ABL1: variants seen among roughly 807,000 people sequenced by gnomAD.
ABL1 encodes tyrosine-protein kinase ABL1.
Under a neutral mutation model 94.7 loss-of-function variants are expected in ABL1, and 11 were observed. The ratio of observed to expected loss-of-function variants is 0.12; its 90% CI spans 0.07 to 0.19. ABL1 has a LOEUF of 0.19. Ranked by LOEUF, ABL1 falls within the 10% of genes least tolerant of loss-of-function variation. The pLI is 1.00. For missense variants in ABL1, 1,082 were observed against 1,489.4 expected, an observed-to-expected ratio of 0.73 and a Z score of 4.50; for synonymous variants, 656 against 622.4, an observed-to-expected ratio of 1.05 and a Z score of -0.80.
intron 7 of ABL1, among the ~76,000 whole-genome samples, chr9:130,876,577 C>T (rs1446064454): frequency 2.0e-5 from 3 of 150,638 alleles, no homozygotes; most frequent in African/African-American, 7.4e-5. Flanking sequence ...GCCACCACGC[C>T]TGGCTAAATT....
chr9:130,792,689 T>A (rs1829925133), intron 1 of ABL1, among the ~76,000 whole-genome samples: 1 of 152,176 alleles, frequency 6.6e-6, no homozygotes, highest in African/African-American at 2.4e-5. Context: ...TCACCACACT[T>A]GGCAAATTTG....
intron 1 of ABL1, among the ~76,000 whole-genome samples, chr9:130,843,631 G>A (rs920248456): frequency 1.3e-5 from 2 of 152,096 alleles, no homozygotes; most frequent in Non-Finnish European, 2.9e-5. Context: ...TGGGTTAAAG[G>A]AGAAGCATCC....
intron 1 of ABL1, among the ~76,000 whole-genome samples, chr9:130,760,943 CTTTTTTTTTTTT>C (rs35842480): frequency 1.2e-5 from 1 of 85,262 alleles, no homozygotes; most frequent in Non-Finnish European, 2.0e-5. Context: ...CCCGCCCCTG[CTTTTTTTTTTTT>C]TTTTTTTTTT....
chr9:130,884,376 A>T lies in ABL1; in HGVS notation c.2086A>T (p.Ser696Cys). The change falls in exon 11 of 11, where the codon AGC (serine) becomes TGC (cysteine). Residue 696 changes from serine (S) to cysteine (C), a missense_variant. By Grantham distance (112) the Ser-to-Cys change is moderately radical. Transcript: ENST00000318560. This position sits in a 1 kb window ranked among gnomAD's most constrained non-coding sequence, Gnocchi z 5.6. ...LWKKSSTLTS[S>C]RLATGEEEGG... ...GAAGAAGTCCAGCACGCTGACCAGC[A>T]GCCGCCTAGCCACCGGCGAGGAGGA... The T allele has an allele frequency of 6.2e-7, 1 of 1,611,958 alleles. No homozygotes were observed. Among genetic ancestry groups the T allele is most frequent in the Non-Finnish European group, 8.5e-7 (1 of 1,179,802 alleles).
At chr9:130,792,994 C>T (rs531586887) in intron 1 of ABL1, among the ~76,000 whole-genome samples, 6 of 152,322 alleles carry the variant, frequency 3.9e-5, no homozygotes, top group African/African-American at 1.2e-4. Flanking sequence ...GGCACGATCT[C>T]GGCTCACTGC....
chr9:130,809,417 A>AGAGAGAGAGAGAGAGT (rs1389499231), intron 1 of ABL1, among the ~76,000 whole-genome samples: 3 of 84,306 alleles, frequency 3.6e-5, no homozygotes, highest in African/African-American at 3.6e-5. Context: ...AGAGAGAGAG[A>AGAGAGAGAGAGAGAGT]GTGTGTGTGT....
chr9:130,824,343 A>G (rs1830399704), intron 1 of ABL1, among the ~76,000 whole-genome samples: 1 of 152,128 alleles, frequency 6.6e-6, no homozygotes, highest in Admixed American at 6.6e-5. Context: ...GGTAAATCCA[A>G]CCTTCCTTTT....
In ABL1 at chr9:130,887,033, GGAGCCCA is replaced by G. The variant is rs1439386792; in HGVS notation, c.*1353_*1359del. 4.3e-6 allele frequency: 1 copy of G among 232,866 alleles called. No individual in the cohort carries two copies. The highest frequency in any genetic ancestry group is 8.5e-6 in the Non-Finnish European group (1 of 117,892). The allele number at this position is 232,866 out of a possible 1,614,324, so 14.4% of individuals were successfully genotyped here. On this transcript the variant is annotated 3_prime_UTR_variant, in exon 11 of 11. Transcript: ENST00000318560. ...CTTCTCCCCGAGGCTGCCCCAGGCC[GGAGCCCA>G]GATACGGGGGCTGTGACTCTGGGCA...
chr9:130,869,515 C>T (rs1010178338), intron 4 of ABL1, among the ~76,000 whole-genome samples: 5 of 152,148 alleles, frequency 3.3e-5, no homozygotes, highest in African/African-American at 7.2e-5. Context: ...TTCTCTTAAC[C>T]GCTCCGCCGT....
chr9:130,880,069 T>C lies in ABL1; in HGVS notation c.1425T>C (p.Cys475=), dbSNP rs1335073196. 2 of 1,614,164 alleles carry C rather than the reference T, an allele frequency of 1.2e-6. No homozygotes were observed. The highest frequency in any genetic ancestry group is 1.7e-6 in the Non-Finnish European group (2 of 1,180,000). The change falls in exon 9 of 11, where the codon TGT becomes TGC. Residue 475 remains cysteine, a splice_region_variant and synonymous_variant. Transcript: ENST00000318560. The surrounding 1 kb of genome is among the most constrained non-coding windows in gnomAD (Gnocchi z 4.4). ...CTGACTTGGGTTTCATCTGTCCAGG[T>C]TGGCAGTGGAATCCCTCTGACCGGC... The part of the protein sequence containing the change: ...PEKVYELMRA[C]WQWNPSDRPS...
rs554963643 is a variant in ABL1, at chr9:130,721,016, A to T, written c.136+6561A>T. Among the ~76,000 whole-genome samples, 4 of 148,360 alleles carry T rather than the reference A, an allele frequency of 2.7e-5. No individual in the cohort carries two copies. In the South Asian group the frequency reaches 6.5e-4, roughly 24 times the overall value. On this transcript the variant is annotated intron_variant, in intron 1 of 10. Coordinates refer to the ABL1 transcript ENST00000372348. ...AAGACCCTGTCTCAAAAAAAAAAAA[A>T]ATATTTACCATCAGGTAAAACCACT... is the stretch of plus-strand genomic sequence containing the variant.
chr9:130,866,239 T>C (rs12003046), intron 4 of ABL1, among the ~76,000 whole-genome samples: 29,905 of 152,102 alleles, frequency 0.2, 4,442 homozygotes, highest in African/African-American at 0.42. Flanking sequence ...GGATTTGAAC[T>C]GGGGCACTCA....
In ABL1 at chr9:130,798,582, C is replaced by T. The variant is rs565667939; in HGVS notation, c.137-55482C>T. ...TTTCTCATCTGGATGAAATAAAGCACCTGTACCTTAGTATGTCCTGCCATG... is the reference window on the plus strand; with the variant it reads ...TTTCTCATCTGGATGAAATAAAGCATCTGTACCTTAGTATGTCCTGCCATG... On this transcript the variant is annotated intron_variant, in intron 1 of 10. Transcript: ENST00000372348. Among the ~76,000 whole-genome samples, 51 of 152,228 alleles carry T rather than the reference C, an allele frequency of 3.4e-4. 1 individual carries two copies. The highest frequency in any genetic ancestry group is 4.2e-4 in the South Asian group (2 of 4,818).
chr9:130,822,740 T>A (rs1030275131), intron 1 of ABL1, among the ~76,000 whole-genome samples: 2 of 152,152 alleles, frequency 1.3e-5, no homozygotes, highest in African/African-American at 2.4e-5. Flanking sequence ...TATTTTTTTT[T>A]ATTAAGTTTG....
At chr9:130,810,807 A>G (rs1376561861) in intron 1 of ABL1, among the ~76,000 whole-genome samples, 1 of 152,148 alleles carries the variant, frequency 6.6e-6, no homozygotes, top group Non-Finnish European at 1.5e-5. Flanking sequence ...CAGTAAACAC[A>G]CAGATCCAAG....
intron 1 of ABL1, among the ~76,000 whole-genome samples, chr9:130,731,972 A>G (rs549704329): frequency 2.6e-5 from 4 of 151,540 alleles, no homozygotes; most frequent in African/African-American, 7.3e-5. Flanking sequence ...CAAATTTTCA[A>G]CTTTCAAAAT....
At chr9:130,832,208 C>G (rs1173574127), upstream of ABL1, among the ~76,000 whole-genome samples, 2 of 150,390 alleles carry the variant, frequency 1.3e-5, no homozygotes, top group African/African-American at 4.9e-5. Flanking sequence ...ACTGCATCCT[C>G]CACCTCCCAG....
chr9:130,726,712 G>A (rs750825251), intron 1 of ABL1, among the ~76,000 whole-genome samples: 35 of 152,032 alleles, frequency 2.3e-4, no homozygotes, highest in Admixed American at 9.2e-4. Flanking sequence ...GGCTTCAAGC[G>A]ATCCTCCTGC....
chr9:130,765,338 C>G (rs73555827), intron 1 of ABL1, among the ~76,000 whole-genome samples: 39 of 152,140 alleles, frequency 2.6e-4, no homozygotes, highest in Non-Finnish European at 5.6e-4. Flanking sequence ...GCTGCTCCCC[C>G]ACTTCAAAAC....
Sources: allele counts gnomAD v4.1 joint callset (sites outside exome capture counted in the v4.1 genomes callset), GRCh38; gene constraint gnomAD v4.1.1; non-coding constraint Gnocchi (gnomAD v3.1); transcripts MANE v1.5; gene names NCBI Gene and HGNC (gene_info 2026-07-23, HGNC 2026-07-21).